TET2: variants seen among roughly 807,000 people sequenced by gnomAD.
The protein encoded by TET2 is methylcytosine dioxygenase TET2.
TET2 carries 299 observed loss-of-function variants against 142.9 expected under a neutral mutation model. The ratio of observed to expected loss-of-function variants is 2.09; its 90% CI spans 1.90 to 2.30. TET2 has a LOEUF of 2.30. TET2 is among the 30% of genes most tolerant of loss of function. The pLI is 0.00. For synonymous variants in TET2, 819 were observed against 849.0 expected, an observed-to-expected ratio of 0.96 and a Z score of 0.61; for missense variants, 2,418 against 2,378.0, an observed-to-expected ratio of 1.02 and a Z score of -0.35.
At chr4:105,194,360 G>T (rs1725957708) in intron 2 of TET2, among the ~76,000 whole-genome samples, 1 of 151,970 alleles carries the variant, frequency 6.6e-6, no homozygotes, top group Non-Finnish European at 1.5e-5. Context: ...GATTTACAAT[G>T]TTATCTTTTT....
intron 2 of TET2, among the ~76,000 whole-genome samples, chr4:105,209,550 G>C (rs112240587): frequency 1.6e-3 from 249 of 152,172 alleles, no homozygotes; most frequent in African/African-American, 5.8e-3. Context: ...AACTAAAACA[G>C]TACATATACC....
intron 2 of TET2, among the ~76,000 whole-genome samples, chr4:105,217,736 G>T (rs58862751): frequency 6.6e-6 from 1 of 151,844 alleles, no homozygotes; most frequent in Admixed American, 6.6e-5. Context: ...AAAATTACAC[G>T]TTAATATCCC....
In TET2 at chr4:105,267,132, A is replaced by C. The variant is rs1730718903; in HGVS notation, c.4045-2478A>C. ...AAGACTCTCCACCCAGAAATATATA[A>C]CCAATGAAAACAACTCTCAAAAAAG... On this transcript the variant is annotated intron_variant, in intron 8 of 10. Coordinates refer to ENST00000380013, the MANE Select transcript of TET2 (RefSeq NM_001127208.3). 2.0e-5 allele frequency among the ~76,000 whole-genome samples: 3 copies of C among 152,006 alleles called. No individual in the cohort carries two copies. In the South Asian group the frequency reaches 6.2e-4, roughly 31 times the overall value.
chr4:105,202,576 C>G (rs751537961), intron 2 of TET2: 8 of 152,132 alleles, frequency 5.3e-5, no homozygotes, highest in Non-Finnish European at 1.0e-4. Flanking sequence ...ACTCATTGCT[C>G]TTGAATACAT....
intron 6 of TET2, among the ~76,000 whole-genome samples, chr4:105,255,741 CTT>C (rs1301933725): frequency 2.0e-5 from 3 of 151,816 alleles, no homozygotes. Flanking sequence ...ATAGTTAAAT[CTT>C]TTTAAAAATT....
Position 105,275,778 on chromosome 4 carries a change from T to C in TET2, c.5268T>C (p.His1756=), listed in dbSNP as rs1224940569. The change falls in exon 11 of 11, where the codon CAT becomes CAC. Residue 1756 remains histidine (H), a synonymous_variant. Transcript: ENST00000380013. ...ACATGGACTATAAAAATGGTGAACA[T>C]CATTCACCTTCTCACATAATCCATA... ...NPNMDYKNGE[H]HSPSHIIHNY... 1.3e-6 allele frequency: 2 copies of C among 1,551,650 alleles called. No individual in the cohort carries two copies. Among genetic ancestry groups the C allele is most frequent in the Non-Finnish European group, 1.7e-6 (2 of 1,146,990 alleles).
intron 2 of TET2, among the ~76,000 whole-genome samples, chr4:105,213,044 T>C (rs1408270907): frequency 6.6e-6 from 1 of 151,572 alleles, no homozygotes; most frequent in East Asian, 1.9e-4. Context: ...ACCAAAAGAC[T>C]CCATTGGAGT....
chr4:105,212,214 A>T (rs1033824030), intron 2 of TET2, among the ~76,000 whole-genome samples: 5 of 152,228 alleles, frequency 3.3e-5, no homozygotes, highest in Admixed American at 6.5e-5. Context: ...TGAGAAGTCC[A>T]GGTTACCCAT....
Position 105,278,631 on chromosome 4 carries a change from A to G in TET2, c.*2112A>G, listed in dbSNP as rs143910620. 975 of 232,362 alleles carry G rather than the reference A, an allele frequency of 4.2e-3. 3 individuals are homozygous for G. The highest frequency in any genetic ancestry group is 0.015 in the South Asian group (83 of 5,520). 14.4% of individuals were successfully genotyped at this position (232,362 alleles called of 1,614,324 possible). ...TTCTATTTTACTTGTACATGTGCTG[A>G]TGTAACTAAAACTAATTTTGTAAAT... On this transcript the variant is annotated 3_prime_UTR_variant, in exon 11 of 11. Coordinates refer to ENST00000380013, the MANE Select transcript of TET2 (RefSeq NM_001127208.3).
chr4:105,160,862 C>T (rs1477761034), intron 1 of TET2, among the ~76,000 whole-genome samples: 1 of 152,080 alleles, frequency 6.6e-6, no homozygotes, highest in Non-Finnish European at 1.5e-5. Flanking sequence ...CCGCAACCTC[C>T]GCCTCCTGGG....
intron 2 of TET2, among the ~76,000 whole-genome samples, chr4:105,196,626 G>T (rs895430818): frequency 6.6e-6 from 1 of 152,040 alleles, no homozygotes; most frequent in South Asian, 2.1e-4. Flanking sequence ...CCTTTGTACC[G>T]CTGTTCCTCT....
intron 6 of TET2, among the ~76,000 whole-genome samples, chr4:105,246,903 G>C (rs1184922211): frequency 6.6e-6 from 1 of 152,134 alleles, no homozygotes; most frequent in Non-Finnish European, 1.5e-5. Context: ...AGCCAAACCA[G>C]CTGTTTCTTC....
chr4:105,270,484 A>G (rs1730898122), intron 9 of TET2, among the ~76,000 whole-genome samples: 1 of 152,178 alleles, frequency 6.6e-6, no homozygotes, highest in South Asian at 2.1e-4. Flanking sequence ...CATTCACCTT[A>G]CAGAGAGAGA....
intron 2 of TET2, among the ~76,000 whole-genome samples, chr4:105,227,601 G>C (rs7674220): frequency 0.56 from 76,488 of 137,642 alleles, 21,280 homozygotes; most frequent in Non-Finnish European, 0.63. Flanking sequence ...AAAATAGAAG[G>C]ATGTTTAATT....
chr4:105,250,380 ATTTTTTTTTTTTTTT>A (rs59695275), intron 6 of TET2, among the ~76,000 whole-genome samples: 4 of 60,318 alleles, frequency 6.6e-5, no homozygotes, highest in South Asian at 8.0e-4. Flanking sequence ...TCCTTTCTGG[ATTTTTTTTTTTTTTT>A]TTTTTTTTTT....
chr4:105,242,153 T>C (rs1729339672), intron 4 of TET2: 4 of 1,142,074 alleles, frequency 3.5e-6, no homozygotes, highest in Admixed American at 4.9e-5. Context: ...CTAGGACATA[T>C]TCAGTATCAT....
intron 1 of TET2, among the ~76,000 whole-genome samples, chr4:105,156,245 A>C (rs1376179893): frequency 6.6e-6 from 1 of 152,178 alleles, no homozygotes; most frequent in African/African-American, 2.4e-5. Flanking sequence ...TTTATAAGTA[A>C]TTTATACAGA....
At chr4:105,163,848 A>AGT (rs1560716817) in intron 1 of TET2, among the ~76,000 whole-genome samples, 64 of 113,566 alleles carry the variant, frequency 5.6e-4, no homozygotes, top group African/African-American at 6.1e-4. Context: ...AGAGAGAGAG[A>AGT]GAGAGAGTGT....
At chr4:105,197,133 A>T (rs961807009) in intron 2 of TET2, among the ~76,000 whole-genome samples, 7 of 152,150 alleles carry the variant, frequency 4.6e-5, no homozygotes, top group Non-Finnish European at 1.0e-4. Flanking sequence ...CATTTTTTTC[A>T]CTAAAGTATC....
Sources: allele counts gnomAD v4.1 joint callset (sites outside exome capture counted in the v4.1 genomes callset), GRCh38; gene constraint gnomAD v4.1.1; transcripts MANE v1.5; gene names NCBI Gene and HGNC (gene_info 2026-07-23, HGNC 2026-07-21).